The following SLCO2B1 variants were observed in gnomAD, a reference collection of about 807,000 sequenced individuals.
SLCO2B1 encodes OATP-RP2.
A neutral mutation model predicts 67.3 loss-of-function variants in SLCO2B1; 41 were observed. The ratio of observed to expected loss-of-function variants is 0.61; its 90% confidence interval spans 0.47 to 0.79. The LOEUF is 0.79. SLCO2B1 is among the 30% of genes least tolerant of loss of function. The pLI is 0.00. For synonymous variants in SLCO2B1, 379 were observed against 381.4 expected (o/e 0.99, Z 0.07); for missense variants, 837 against 920.1 (o/e 0.91, Z 1.17).
At chr11:75,187,975 G>A (rs1591829278) in intron 7 of SLCO2B1, among the ~76,000 whole-genome samples, 161 bp from the exon 8 acceptor site, 1 of 152,096 alleles carries the variant, frequency 6.6e-6, no homozygotes, top group Non-Finnish European at 1.5e-5. Context: ...GTACCTATAG[G>A]GCCAAGAACA....
In SLCO2B1 at chr11:75,200,257, G is replaced by A; in HGVS notation, c.1633G>A (p.Gly545Ser). 4 of 1,613,682 alleles carry A rather than the reference G, an allele frequency of 2.5e-6. No individual in the cohort carries two copies. Among genetic ancestry groups the A allele is most frequent in the Non-Finnish European group, 3.4e-6 (4 of 1,179,760 alleles). ...FYTNCSCVVE[G>S]NPVLAGSCDS... ...CACCAACTGCAGCTGCGTGGTGGAG[G>A]GCAACCCCGTGCTGGCAGGATCCTG... Residue 545 changes from glycine to serine, a missense_variant, in exon 11 of 14, where the codon GGC becomes AGC. Coordinates refer to ENST00000289575, the MANE Select transcript of SLCO2B1 (RefSeq NM_007256.5).
chr11:75,169,763 A>C lies in SLCO2B1; in HGVS notation c.780A>C (p.Glu260Asp). The change falls in exon 6 of 14, where the codon GAA becomes GAC. Residue 260 changes from glutamate to aspartate, a missense_variant and splice_region_variant. Transcript: ENST00000289575. ...RLYVDINQMP[E>D]GGISLTIKDP... ...ATGTGGACATTAACCAGATGCCAGA[A>C]GGTGAGCCTCAGGAGCACATGTTTG... The C allele has an allele frequency of 1.2e-6, 2 of 1,613,596 alleles. No individual in the cohort carries two copies. Among genetic ancestry groups the C allele is most frequent in the Non-Finnish European group, 1.7e-6 (2 of 1,179,502 alleles).
At chr11:75,159,859 A>T in intron 1 of SLCO2B1, 12 of 985,704 alleles carry the variant, frequency 1.2e-5, no homozygotes, top group Non-Finnish European at 1.4e-5. Context: ...TTGAAGCTTC[A>T]GGGAGAGCCA....
intron 2 of SLCO2B1, among the ~76,000 whole-genome samples, chr11:75,163,522 TG>T (rs1949848952): frequency 6.6e-6 from 1 of 151,828 alleles, no homozygotes; most frequent in African/African-American, 2.4e-5. Context: ...GGCAGGATGG[TG>T]GAACTGGGAG....
intron 13 of SLCO2B1, chr11:75,204,046 A>G (rs1410695593): frequency 5.6e-6 from 1 of 177,338 alleles, no homozygotes; most frequent in Non-Finnish European, 1.2e-5. Flanking sequence ...GGAAAAGTCA[A>G]ACAAGGGCTT....
chr11:75,196,432 C>A, intron 9 of SLCO2B1, 82 bp from the exon 10 acceptor site: 1 of 1,423,682 alleles, frequency 7.0e-7, no homozygotes, highest in Non-Finnish European at 9.6e-7. Flanking sequence ...CCATTGCTCT[C>A]GGCTACAGGG....
Position 75,171,396 on chromosome 11 carries a change from G to A in SLCO2B1, c.782-983G>A, listed in dbSNP as rs112358156. Among the ~76,000 whole-genome samples, 550 of 152,274 alleles carry A rather than the reference G, an allele frequency of 3.6e-3. 3 individuals are homozygous for A. Among genetic ancestry groups the A allele is most frequent in the African/African-American group, 0.013 (533 of 41,558 alleles). ...CTCAGGCTCTTGAGTAGCTGAGACT[G>A]CAGGTGTGCACCATCACACCTGGGT... On this transcript the variant is annotated intron_variant, in intron 6 of 13. Transcript: ENST00000289575.
chr11:75,201,249 C>T (rs1458923868), intron 11 of SLCO2B1: 2 of 152,146 alleles, frequency 1.3e-5, no homozygotes, highest in Admixed American at 1.3e-4. Flanking sequence ...GTCTCGAACT[C>T]CTGACCTCAG....
chr11:75,200,406 C>A lies in SLCO2B1; in HGVS notation c.1763+19C>A. ...TCCTAAGGTGAAGGTGGGGGTGGGG[C>A]AGGGGCAGGTGGATACCAGGAGGTC... On this transcript the variant is annotated intron_variant, in intron 11 of 13. Transcript: ENST00000289575. The A allele has an allele frequency of 6.4e-7, 1 of 1,572,098 alleles. No homozygotes were observed. Among genetic ancestry groups the A allele is most frequent in the Non-Finnish European group, 8.7e-7 (1 of 1,154,686 alleles).
intron 7 of SLCO2B1, among the ~76,000 whole-genome samples, chr11:75,177,175 T>TACACACAC (rs111442424): frequency 1.3e-5 from 2 of 149,576 alleles, no homozygotes; most frequent in African/African-American, 4.9e-5. Context: ...TCCACCCCTC[T>TACACACAC]ACACACACAC....
intron 3 of SLCO2B1, among the ~76,000 whole-genome samples, chr11:75,164,981 C>T (rs554197814): frequency 1.3e-5 from 2 of 152,260 alleles, no homozygotes; most frequent in South Asian, 4.1e-4. Context: ...TCCACTCCCC[C>T]AGCGAGGAGT....
intron 4 of SLCO2B1, 62 bp downstream of exon 4, chr11:75,166,011 G>C (rs570009251): frequency 6.5e-7 from 1 of 1,545,878 alleles, no homozygotes; most frequent in African/African-American, 1.4e-5. Context: ...TTGCGCTGGG[G>C]CCCACCCCAC....
At chr11:75,166,278 G>A (rs1434002078) in intron 4 of SLCO2B1, among the ~76,000 whole-genome samples, 1 of 152,180 alleles carries the variant, frequency 6.6e-6, no homozygotes, top group Non-Finnish European at 1.5e-5. Flanking sequence ...AATTGCGTGT[G>A]TAATAATAAT....
At chr11:75,175,271 C>T (rs1182825796) in intron 7 of SLCO2B1, among the ~76,000 whole-genome samples, 4 of 152,104 alleles carry the variant, frequency 2.6e-5, no homozygotes, top group South Asian at 2.1e-4. Flanking sequence ...CTGCCTTGGC[C>T]GGGTCTGCTT....
intron 1 of SLCO2B1, among the ~76,000 whole-genome samples, chr11:75,154,632 T>C (rs1254051959): frequency 6.6e-6 from 1 of 152,224 alleles, no homozygotes; most frequent in Non-Finnish European, 1.5e-5. Flanking sequence ...AACAGAGCCC[T>C]TCCTGGCCTC....
chr11:75,176,670 G>T (rs1312182574), intron 7 of SLCO2B1, among the ~76,000 whole-genome samples: 5 of 152,196 alleles, frequency 3.3e-5, no homozygotes, highest in Non-Finnish European at 7.3e-5. Flanking sequence ...AATAGTCAGG[G>T]ATGGAAGACA....
At chr11:75,158,760 G>C (rs1301025509) in intron 1 of SLCO2B1, among the ~76,000 whole-genome samples, 1 of 152,242 alleles carries the variant, frequency 6.6e-6, no homozygotes, top group Non-Finnish European at 1.5e-5. Flanking sequence ...CAGTGGGCTT[G>C]TAGCACATCT....
intron 3 of SLCO2B1, among the ~76,000 whole-genome samples, chr11:75,164,542 T>G (rs1949864268): frequency 6.6e-6 from 1 of 152,064 alleles, no homozygotes. Flanking sequence ...TCCTTAGAAC[T>G]GCCTGGGGAT....
At chr11:75,164,165 C>T in intron 3 of SLCO2B1, 65 bp downstream of exon 3, 1 of 1,525,062 alleles carries the variant, frequency 6.6e-7, no homozygotes, top group Non-Finnish European at 8.9e-7. Context: ...CTTCCACCAG[C>T]CTCCCCTCTC....
Sources: gnomAD v4.1 joint callset for allele counts (sites outside exome capture counted in the v4.1 genomes callset) on GRCh38, gnomAD v4.1.1 for gene constraint, MANE v1.5 for transcripts, NCBI Gene and HGNC (gene_info 2026-07-23, HGNC 2026-07-21) for gene names.